The following MAPK4 variants were observed in gnomAD, a reference collection of about 807,000 sequenced individuals.
The protein encoded by MAPK4 is mitogen-activated protein kinase 4.
MAPK4 carries 22 observed loss-of-function variants against 47.7 expected under a neutral mutation model. The ratio of observed to expected loss-of-function variants is 0.46; its 90% confidence interval spans 0.33 to 0.66. The LOEUF is 0.66. MAPK4 is among the 30% of genes least tolerant of loss of function. MAPK4 has a pLI of 0.02. For synonymous variants in MAPK4, 390 were observed against 365.7 expected, an observed-to-expected ratio of 1.07 and a Z score of -0.76; for missense variants, 736 against 831.7, an observed-to-expected ratio of 0.88 and a Z score of 1.42.
intron 1 of MAPK4, among the ~76,000 whole-genome samples, chr18:50,650,608 G>T (rs890361502): frequency 6.6e-6 from 1 of 152,126 alleles, no homozygotes; most frequent in Non-Finnish European, 1.5e-5. Context: ...GCAAACACTG[G>T]CTGGGCCCCA....
chr18:50,649,889 A>T (rs1048300070), intron 1 of MAPK4, among the ~76,000 whole-genome samples: 2 of 152,166 alleles, frequency 1.3e-5, no homozygotes, highest in Non-Finnish European at 2.9e-5. Context: ...CCTGAGGTTC[A>T]TTTATCTGGA....
intron 2 of MAPK4, chr18:50,705,022 G>T: frequency 2.7e-6 from 1 of 368,628 alleles, no homozygotes; most frequent in Non-Finnish European, 4.8e-6. Flanking sequence ...TCCCAGGCAA[G>T]ATTAGCAGCC....
chr18:50,721,904 C>T (rs887615117), intron 3 of MAPK4, 34 bp from the exon 4 acceptor site: 1 of 1,612,078 alleles, frequency 6.2e-7, no homozygotes, highest in Non-Finnish European at 8.5e-7. Flanking sequence ...GCCCCTTGGA[C>T]AGCACACTTA....
In MAPK4 at chr18:50,619,234, T is replaced by A. The variant is rs1466389091; in HGVS notation, c.-870-43855T>A. Among the ~76,000 whole-genome samples the A allele has an allele frequency of 2.6e-5, 4 of 152,320 alleles. No homozygotes were observed. In the East Asian group the frequency reaches 5.8e-4, roughly 22 times the overall value. On this transcript the variant is annotated intron_variant, in intron 1 of 5. Coordinates refer to ENST00000400384, the MANE Select transcript of MAPK4 (RefSeq NM_002747.4). The stretch of plus-strand genomic sequence containing the variant: ...AGACTTTTCATCAGGAAAAATTAAG[T>A]GATCAGCCATGATTTGTTTTTCTGT...
chr18:50,686,463 ATT>A (rs1908885842), intron 2 of MAPK4, among the ~76,000 whole-genome samples: 1 of 152,228 alleles, frequency 6.6e-6, no homozygotes, highest in African/African-American at 2.4e-5. Context: ...TCCACATGAT[ATT>A]CTTTACAATG....
intron 1 of MAPK4, among the ~76,000 whole-genome samples, chr18:50,621,773 G>C (rs1446435682): frequency 1.3e-5 from 2 of 152,234 alleles, no homozygotes; most frequent in Non-Finnish European, 2.9e-5. Context: ...AGTTCTAAAA[G>C]CTTTGCTTAT....
At chr18:50,577,923 A>G (rs2042311854) in intron 1 of MAPK4, among the ~76,000 whole-genome samples, 1 of 152,216 alleles carries the variant, frequency 6.6e-6, no homozygotes, top group Admixed American at 6.5e-5. Context: ...TGTATCTAAC[A>G]TTGTTATTTG....
chr18:50,618,437 A>G lies in MAPK4; in HGVS notation c.-870-44652A>G, dbSNP rs116956951. 2.5e-3 allele frequency among the ~76,000 whole-genome samples: 380 copies of G among 152,310 alleles called. 4 individuals carry two copies. In the East Asian group the frequency reaches 0.041, roughly 16 times the overall value. ...AAAAGAGGAAGAATATATACAGGCT[A>G]AGTTCTATGTCTCTTCATACATTTC... On this transcript the variant is annotated intron_variant, in intron 1 of 5. Coordinates refer to ENST00000400384, the MANE Select transcript of MAPK4 (RefSeq NM_002747.4).
chr18:50,626,682 G>C (rs1329397640), intron 1 of MAPK4, among the ~76,000 whole-genome samples: 5 of 152,060 alleles, frequency 3.3e-5, no homozygotes, highest in Admixed American at 2.6e-4. Flanking sequence ...CCTGGAACGA[G>C]ACCAGGCCCT....
chr18:50,703,346 C>G (rs1168276299), intron 2 of MAPK4, among the ~76,000 whole-genome samples: 1 of 152,196 alleles, frequency 6.6e-6, no homozygotes, highest in Non-Finnish European at 1.5e-5. Context: ...CCTGCTTTTC[C>G]AAGGGGCCAG....
At chr18:50,634,866 G>A (rs2042868876) in intron 1 of MAPK4, among the ~76,000 whole-genome samples, 1 of 152,138 alleles carries the variant, frequency 6.6e-6, no homozygotes, top group South Asian at 2.1e-4. Flanking sequence ...TGAGACTCAA[G>A]CCACACCAGG....
chr18:50,577,107 G>T (rs763539612), intron 1 of MAPK4, among the ~76,000 whole-genome samples: 2 of 152,140 alleles, frequency 1.3e-5, no homozygotes, highest in African/African-American at 2.4e-5. Flanking sequence ...CTGCCCTAGA[G>T]CTTGTGATCT....
intron 1 of MAPK4, among the ~76,000 whole-genome samples, chr18:50,574,747 A>C (rs1033432951): frequency 6.6e-6 from 1 of 152,254 alleles, no homozygotes; most frequent in Non-Finnish European, 1.5e-5. Context: ...ACCTCCTTTT[A>C]AAGCAAACCT....
At chr18:50,716,730 C>T (rs2144445819) in intron 3 of MAPK4, among the ~76,000 whole-genome samples, 1 of 152,288 alleles carries the variant, frequency 6.6e-6, no homozygotes, top group Non-Finnish European at 1.5e-5. Flanking sequence ...GCCCTGTCCT[C>T]CTAACCATGC....
At chr18:50,684,881 C>T (rs1342561545) in intron 2 of MAPK4, among the ~76,000 whole-genome samples, 4 of 152,110 alleles carry the variant, frequency 2.6e-5, no homozygotes, top group Non-Finnish European at 5.9e-5. Flanking sequence ...GCCAGAGGGC[C>T]GGGAGCAGTG....
intron 2 of MAPK4, among the ~76,000 whole-genome samples, chr18:50,714,777 A>G (rs775172588): frequency 6.6e-6 from 1 of 152,240 alleles, no homozygotes; most frequent in African/African-American, 2.4e-5. Flanking sequence ...GCAGAGTTAC[A>G]TCAAGGTGGG....
chr18:50,651,742 T>C (rs2043051991), intron 1 of MAPK4, among the ~76,000 whole-genome samples: 1 of 152,214 alleles, frequency 6.6e-6, no homozygotes, highest in South Asian at 2.1e-4. Flanking sequence ...CATTCCTTGA[T>C]ACCCCACACC....
chr18:50,621,441 G>C (rs1169578574), intron 1 of MAPK4, among the ~76,000 whole-genome samples: 1 of 152,178 alleles, frequency 6.6e-6, no homozygotes, highest in East Asian at 1.9e-4. Context: ...AGAAAAATGG[G>C]ACACGATCCT....
At chr18:50,658,227 C>T (rs1369327991) in intron 1 of MAPK4, among the ~76,000 whole-genome samples, 5 of 152,192 alleles carry the variant, frequency 3.3e-5, no homozygotes, top group African/African-American at 1.2e-4. Context: ...AAGGTGGCTG[C>T]CTCTTGCTTT....
Sources: gnomAD v4.1 joint callset for allele counts (sites outside exome capture counted in the v4.1 genomes callset) on GRCh38, gnomAD v4.1.1 for gene constraint, MANE v1.5 for transcripts, NCBI Gene and HGNC (gene_info 2026-07-23, HGNC 2026-07-21) for gene names.